Variants in SORCS2 observed in about 807,000 individuals in gnomAD.
SORCS2 encodes VPS10 domain-containing receptor SorCS2.
In SORCS2, 100 loss-of-function variants were observed where a neutral mutation model predicts 141.6. That is an observed-to-expected ratio of 0.71 (90% CI 0.60 to 0.83). SORCS2 has a LOEUF of 0.83. SORCS2 is among the 40% of genes least tolerant of loss of function. The pLI, the probability that SORCS2 is intolerant of heterozygous loss-of-function variation, is 0.00. For synonymous variants in SORCS2, 789 were observed against 676.9 expected, an observed-to-expected ratio of 1.17 and a Z score of -2.57; for missense variants, 1,646 against 1,560.2, an observed-to-expected ratio of 1.05 and a Z score of -0.93.
In SORCS2 at chr4:7,313,412, C is replaced by T. The variant is rs538453543; in HGVS notation, c.481-82876C>T. On this transcript the variant is annotated intron_variant, in intron 1 of 26. Coordinates refer to ENST00000507866, the MANE Select transcript of SORCS2 (RefSeq NM_020777.3). ...AAGACAGGCCCAGAAGAGGGGAATGCAAATGTCAGGCTGCTCTCTGGGTTG... is the reference window on the plus strand; with the variant it reads ...AAGACAGGCCCAGAAGAGGGGAATGTAAATGTCAGGCTGCTCTCTGGGTTG... Among the ~76,000 whole-genome samples, 241 of 152,272 alleles carry T rather than the reference C, an allele frequency of 1.6e-3. 2 individuals carry two copies. The highest frequency in any genetic ancestry group is 5.6e-3 in the Admixed American group (85 of 15,296).
At chr4:7,322,117 C>T (rs866328884) in intron 1 of SORCS2, among the ~76,000 whole-genome samples, 3 of 152,160 alleles carry the variant, frequency 2.0e-5, no homozygotes, top group Non-Finnish European at 4.4e-5. Flanking sequence ...GGCTGTCCGA[C>T]GGTGTGCTCA....
chr4:7,236,559 C>T (rs768042883), intron 1 of SORCS2, among the ~76,000 whole-genome samples: 10 of 152,012 alleles, frequency 6.6e-5, no homozygotes, highest in African/African-American at 9.7e-5. Context: ...CCACTGTTAC[C>T]GGTTTCTTAC....
At chr4:7,327,064 C>T (rs1407887167) in intron 1 of SORCS2, among the ~76,000 whole-genome samples, 1 of 152,224 alleles carries the variant, frequency 6.6e-6, no homozygotes, top group Non-Finnish European at 1.5e-5. Context: ...TCTCCCCTGT[C>T]CCTGTTCTGA....
At chr4:7,617,694 G>A (rs1040191455) in intron 3 of SORCS2, among the ~76,000 whole-genome samples, 4 of 152,124 alleles carry the variant, frequency 2.6e-5, no homozygotes, top group African/African-American at 9.7e-5. Flanking sequence ...GTGGAAGAAG[G>A]GTCAGATATT....
intron 1 of SORCS2, among the ~76,000 whole-genome samples, chr4:7,296,311 C>G (rs1250729153): frequency 6.6e-6 from 1 of 152,256 alleles, no homozygotes; most frequent in African/African-American, 2.4e-5. Context: ...GATTTTCTCT[C>G]TGGCCTCAGT....
chr4:7,727,618 A>G (rs539711495), intron 21 of SORCS2, among the ~76,000 whole-genome samples: 1 of 152,272 alleles, frequency 6.6e-6, no homozygotes, highest in East Asian at 1.9e-4. Context: ...GCCCTTGGCT[A>G]TTCTTCATTC....
intron 1 of SORCS2, among the ~76,000 whole-genome samples, chr4:7,322,755 G>T (rs986394397): frequency 6.6e-6 from 1 of 152,206 alleles, no homozygotes; most frequent in African/African-American, 2.4e-5. Flanking sequence ...TTGTGCTTTG[G>T]ATTCAAATGG....
At position 7,740,302 on chromosome 4, in the gene SORCS2, A is replaced by C. The variant is rs1004043595; in HGVS notation, c.*38A>C. On this transcript the variant is annotated 3_prime_UTR_variant, in exon 27 of 27. Transcript: ENST00000507866. ...ATCTGTCTTTTCACCCACGGAGGGCACAGAACCACCAGCAAAGCCGGCGGC... is the reference window on the plus strand; with the variant it reads ...ATCTGTCTTTTCACCCACGGAGGGCCCAGAACCACCAGCAAAGCCGGCGGC... The C allele has an allele frequency of 1.3e-6, 2 of 1,588,194 alleles. No homozygotes were observed. Among genetic ancestry groups the C allele is most frequent in the Non-Finnish European group, 1.7e-6 (2 of 1,164,580 alleles).
At chr4:7,696,622 G>C (rs914295005) in intron 11 of SORCS2, among the ~76,000 whole-genome samples, 6 of 152,212 alleles carry the variant, frequency 3.9e-5, no homozygotes, top group African/African-American at 1.4e-4. Flanking sequence ...AATCAGCCCA[G>C]TGCTGGGGCT....
intron 3 of SORCS2, among the ~76,000 whole-genome samples, chr4:7,606,323 AT>A (rs952900103): frequency 8.6e-5 from 13 of 152,044 alleles, no homozygotes; most frequent in African/African-American, 2.7e-4. Context: ...ACTCAAACCC[AT>A]TTGACTGTGG....
chr4:7,215,084 G>A (rs1169081808), intron 1 of SORCS2, among the ~76,000 whole-genome samples: 1 of 152,156 alleles, frequency 6.6e-6, no homozygotes, highest in Non-Finnish European at 1.5e-5. Context: ...TCCTGGGCTG[G>A]CCAAGGCAGG....
At chr4:7,455,428 TGCTGTGTGTTGGGGTCAGGA>T (rs1421212331) in intron 2 of SORCS2, among the ~76,000 whole-genome samples, 2 of 68,022 alleles carry the variant, frequency 2.9e-5, no homozygotes, top group Admixed American at 1.7e-4. Flanking sequence ...TTGGGGTCAG[TGCTGTGTGTTGGGGTCAGGA>T]GCTGTGTGTT....
At chr4:7,332,752 C>T (rs958742200) in intron 1 of SORCS2, among the ~76,000 whole-genome samples, 1 of 152,194 alleles carries the variant, frequency 6.6e-6, no homozygotes, top group Non-Finnish European at 1.5e-5. Context: ...TGGCTCCCAG[C>T]GCTGCCTGTG....
At chr4:7,247,943 C>T (rs553900647) in intron 1 of SORCS2, among the ~76,000 whole-genome samples, 1 of 152,346 alleles carries the variant, frequency 6.6e-6, no homozygotes, top group East Asian at 1.9e-4. Flanking sequence ...AACGGGATCC[C>T]CCCAAACTCC....
rs774828836 is a variant in SORCS2 at position 7,221,843 on chromosome 4, T to C, written c.480+28717T>C. On this transcript the variant is annotated intron_variant, in intron 1 of 26. Transcript: ENST00000507866. The stretch of plus-strand genomic sequence containing the variant: ...AAGTTAAGCATATATTTAAGGAGTA[T>C]TTTCTGAGTGTTTGGCCCTGTGGTA... Among the ~76,000 whole-genome samples, 976 of 152,306 alleles carry C rather than the reference T, an allele frequency of 6.4e-3. 8 individuals are homozygous for C. Among genetic ancestry groups the C allele is most frequent in the African/African-American group, 0.022 (934 of 41,566 alleles).
At chr4:7,614,696 C>T (rs999221851) in intron 3 of SORCS2, among the ~76,000 whole-genome samples, 6 of 151,932 alleles carry the variant, frequency 3.9e-5, no homozygotes, top group African/African-American at 1.5e-4. Flanking sequence ...ATCCATCCAC[C>T]TATCCACCCA....
rs1254282930 is a variant in SORCS2 at position 7,526,002 on chromosome 4, A to G, written c.549-5528A>G. ...CTCCTCACACCTGTCCCCTGCAGTC[A>G]CCTGTCCCCTCCTCAGTCACCTGTC... On this transcript the variant is annotated intron_variant, in intron 2 of 26. Transcript: ENST00000507866. 1.5e-4 allele frequency among the ~76,000 whole-genome samples: 17 copies of G among 111,242 alleles called. 1 individual carries two copies. The highest frequency in any genetic ancestry group is 6.7e-4 in the African/African-American group (16 of 23,744). 73.0% of individuals were successfully genotyped at this position (111,242 alleles called of 152,430 possible). A position where few individuals can be genotyped will look rare whatever the true frequency, so the allele number is the denominator to read the frequency against.
rs1407210014 is a variant in SORCS2, at chr4:7,229,319, C to T, written c.480+36193C>T. On this transcript the variant is annotated intron_variant, in intron 1 of 26. Transcript: ENST00000507866. ...GACCCCCTAAAGAATGTCCCTGCCA[C>T]CAGCTGACAGGAGCCCCTCTCCCTG... 2.6e-5 allele frequency among the ~76,000 whole-genome samples: 4 copies of T among 152,044 alleles called. No individual in the cohort carries two copies. The East Asian group carries it at 7.7e-4, about 29-fold the overall frequency.
chr4:7,739,055 A>G (rs775759656), intron 26 of SORCS2, among the ~76,000 whole-genome samples: 2 of 152,170 alleles, frequency 1.3e-5, no homozygotes, highest in Non-Finnish European at 2.9e-5. Context: ...AGCGCCTCCC[A>G]GACACCGTCT....
Sources: allele counts gnomAD v4.1 joint callset (sites outside exome capture counted in the v4.1 genomes callset), GRCh38; gene constraint gnomAD v4.1.1; transcripts MANE v1.5; gene names NCBI Gene and HGNC (gene_info 2026-07-23, HGNC 2026-07-21).